CLSTN2: variants seen among roughly 807,000 people sequenced by gnomAD.
CLSTN2 encodes calsyntenin 2.
Under a neutral mutation model 101.2 loss-of-function variants are expected in CLSTN2, and 48 were observed. That is an observed-to-expected ratio of 0.47 (90% CI 0.38 to 0.60). CLSTN2 has a LOEUF of 0.60. Among genes scored for constraint, CLSTN2 ranks in the 20% least tolerant of loss-of-function variants. CLSTN2 has a pLI of 0.00. For missense variants in CLSTN2, 1,160 were observed against 1,238.2 expected (o/e 0.94, Z 0.95); for synonymous variants, 481 against 463.6 (o/e 1.04, Z -0.48).
rs929441763 is a variant in CLSTN2, at chr3:140,312,573, G to A, written c.233-91056G>A. Among the ~76,000 whole-genome samples the A allele has an allele frequency of 3.3e-5, 5 of 152,294 alleles. No homozygotes were observed. In the South Asian group the frequency reaches 8.3e-4, roughly 25 times the overall value. On this transcript the variant is annotated intron_variant, in intron 2 of 16. Transcript: ENST00000458420. ...ATCAGAAGCATGCAAGAAAGTCTAC[G>A]CCTTCTTTTAAAATAATGAGAAATA...
At chr3:140,449,584 C>T (rs1933190037) in intron 6 of CLSTN2, 1 of 152,138 alleles carries the variant, frequency 6.6e-6, no homozygotes, top group Non-Finnish European at 1.5e-5. Flanking sequence ...CCTTTTAGTC[C>T]TTTTACGGCT....
chr3:140,566,447 C>T lies in CLSTN2; in HGVS notation c.*194C>T. Reference sequence around the variant, plus strand: ...CATGGGGAAGTTCCAAGAAGCCCAGCATGGCCATCAGTGAGGACTTCAGGG... The same window carrying T: ...CATGGGGAAGTTCCAAGAAGCCCAGTATGGCCATCAGTGAGGACTTCAGGG... On this transcript the variant is annotated 3_prime_UTR_variant, in exon 17 of 17. Coordinates refer to ENST00000458420, the MANE Select transcript of CLSTN2 (RefSeq NM_022131.3). 1 of 613,146 alleles carries T rather than the reference C, an allele frequency of 1.6e-6. No individual in the cohort carries two copies. Among genetic ancestry groups the T allele is most frequent in the Non-Finnish European group, 2.9e-6 (1 of 345,394 alleles). The allele number at this position is 613,146 out of a possible 1,614,324, so 38.0% of individuals were successfully genotyped here.
At chr3:140,443,793 A>G (rs1001969790) in intron 5 of CLSTN2, among the ~76,000 whole-genome samples, 6 of 152,230 alleles carry the variant, frequency 3.9e-5, no homozygotes, top group African/African-American at 1.4e-4. Flanking sequence ...TTAGCCTGGC[A>G]TATCTCGTGC....
At chr3:140,135,965 G>A (rs1050936601) in intron 1 of CLSTN2, among the ~76,000 whole-genome samples, 1 of 152,114 alleles carries the variant, frequency 6.6e-6, no homozygotes, top group African/African-American at 2.4e-5. Flanking sequence ...ATATGAGTAA[G>A]TCATTATTTA....
chr3:140,285,776 T>C (rs1416524060), intron 2 of CLSTN2, among the ~76,000 whole-genome samples: 2 of 152,306 alleles, frequency 1.3e-5, no homozygotes, highest in East Asian at 1.9e-4. Flanking sequence ...CCAGAGGATA[T>C]AAGTTGGAAC....
intron 2 of CLSTN2, among the ~76,000 whole-genome samples, chr3:140,334,494 G>A (rs1457964520): frequency 6.6e-6 from 1 of 152,224 alleles, no homozygotes; most frequent in African/African-American, 2.4e-5. Context: ...ATTTGCTAAA[G>A]AACTGCTCTG....
chr3:139,974,200 G>A (rs913255497), intron 1 of CLSTN2, among the ~76,000 whole-genome samples: 2 of 152,168 alleles, frequency 1.3e-5, no homozygotes, highest in Admixed American at 6.5e-5. Context: ...AAACATTTGT[G>A]GGAAACTGCA....
Position 140,573,418 on chromosome 3 carries a change from A to G in CLSTN2, c.*7165A>G, listed in dbSNP as rs1435387859. The G allele has an allele frequency of 2.0e-5, 3 of 152,198 alleles. No individual in the cohort carries two copies. The highest frequency in any genetic ancestry group is 7.2e-5 in the African/African-American group (3 of 41,452). 9.4% of individuals were successfully genotyped at this position (152,198 alleles called of 1,614,324 possible). ...CAAAAACAAACCTACAGCCTCATTT[A>G]CAATTAGAATCTGTCTGGGCCTTCT... On this transcript the variant is annotated 3_prime_UTR_variant, in exon 17 of 17. Coordinates refer to ENST00000458420, the MANE Select transcript of CLSTN2 (RefSeq NM_022131.3).
At chr3:140,505,072 C>CTTT (rs11414136) in intron 8 of CLSTN2, among the ~76,000 whole-genome samples, 29,764 of 149,920 alleles carry the variant, frequency 0.2, 4,281 homozygotes, top group African/African-American at 0.42. Flanking sequence ...AAGAAAGTAT[C>CTTT]TTTTTTTTTT....
chr3:140,410,524 TCAC>T (rs1261730770), intron 4 of CLSTN2, among the ~76,000 whole-genome samples: 3 of 151,786 alleles, frequency 2.0e-5, no homozygotes, highest in African/African-American at 7.3e-5. Context: ...AGGGAATTCA[TCAC>T]CACTAGACCT....
At chr3:140,173,577 G>C (rs1424648505) in intron 1 of CLSTN2, among the ~76,000 whole-genome samples, 2 of 152,206 alleles carry the variant, frequency 1.3e-5, no homozygotes, top group Admixed American at 6.5e-5. Context: ...CTTCTGCACT[G>C]CCCTAGCAGA....
At chr3:140,171,875 A>AAT (rs1299806727) in intron 1 of CLSTN2, among the ~76,000 whole-genome samples, 3 of 124,662 alleles carry the variant, frequency 2.4e-5, no homozygotes, top group Non-Finnish European at 4.8e-5. Flanking sequence ...AACAATATAT[A>AAT]ATATATATAT....
At chr3:140,253,739 G>A (rs957216318) in intron 2 of CLSTN2, among the ~76,000 whole-genome samples, 1 of 152,182 alleles carries the variant, frequency 6.6e-6, no homozygotes, top group African/African-American at 2.4e-5. Flanking sequence ...GATCCCAGGA[G>A]ACAGGAACCC....
intron 1 of CLSTN2, among the ~76,000 whole-genome samples, chr3:140,103,060 T>C (rs748679611): frequency 1.4e-4 from 21 of 152,056 alleles, no homozygotes; most frequent in Non-Finnish European, 2.8e-4. Context: ...CAATTAAAGG[T>C]AGCAACCAGC....
chr3:140,573,627 A>C lies in CLSTN2; in HGVS notation c.*7374A>C, dbSNP rs993616724. 6.6e-6 allele frequency: 1 copy of C among 152,146 alleles called. No homozygotes were observed. Among genetic ancestry groups the C allele is most frequent in the Middle Eastern group, 3.2e-3 (1 of 316 alleles). 9.4% of individuals were successfully genotyped at this position (152,146 alleles called of 1,614,324 possible). Reference sequence around the variant, plus strand: ...CTACGAGGTACAGTCTCCTCATACAAGGGGTTTTGAGATGGAGAGTCAGAG... The same window carrying C: ...CTACGAGGTACAGTCTCCTCATACACGGGGTTTTGAGATGGAGAGTCAGAG... On this transcript the variant is annotated 3_prime_UTR_variant, in exon 17 of 17. Transcript: ENST00000458420.
chr3:140,212,807 C>T (rs1043611707), intron 2 of CLSTN2, among the ~76,000 whole-genome samples: 1 of 152,194 alleles, frequency 6.6e-6, no homozygotes, highest in Admixed American at 6.5e-5. Context: ...CCATAAGACC[C>T]ACCAGGCCTC....
chr3:140,344,151 A>G (rs2087518681), intron 2 of CLSTN2, among the ~76,000 whole-genome samples: 1 of 152,228 alleles, frequency 6.6e-6, no homozygotes, highest in African/African-American at 2.4e-5. Context: ...GTTCACTGAC[A>G]TACAACAGTA....
intron 1 of CLSTN2, among the ~76,000 whole-genome samples, chr3:140,071,746 G>A (rs781438526): frequency 6.6e-6 from 1 of 152,084 alleles, no homozygotes; most frequent in Non-Finnish European, 1.5e-5. Flanking sequence ...CAGGAGAATG[G>A]CATGAACTCG....
At chr3:140,064,404 C>G (rs188549316) in intron 1 of CLSTN2, among the ~76,000 whole-genome samples, 1 of 152,312 alleles carries the variant, frequency 6.6e-6, no homozygotes, top group East Asian at 1.9e-4. Context: ...AGTAGAATGT[C>G]TTTCCTGCCT....
Sources: allele counts gnomAD v4.1 joint callset (sites outside exome capture counted in the v4.1 genomes callset), GRCh38; gene constraint gnomAD v4.1.1; transcripts MANE v1.5; gene names NCBI Gene and HGNC (gene_info 2026-07-23, HGNC 2026-07-21).